THSD7B: variants seen among roughly 807,000 people sequenced by gnomAD.
THSD7B encodes thrombospondin type 1 domain containing 7B.
THSD7B carries 138 observed loss-of-function variants against 213.6 expected under a neutral mutation model. The observed-to-expected ratio is 0.65, with a 90% CI of 0.56 to 0.74. The LOEUF (loss-of-function observed/expected upper bound fraction) is 0.74, where lower values mean the gene tolerates loss of function less well. Among genes scored for constraint, THSD7B ranks in the 30% least tolerant of loss-of-function variants. THSD7B has a pLI of 0.00. For missense variants in THSD7B, 1,931 were observed against 1,991.5 expected (o/e 0.97, Z 0.58); for synonymous variants, 742 against 687.0 (o/e 1.08, Z -1.25).
At chr2:137,329,548 G>A (rs1488803105) in intron 12 of THSD7B, among the ~76,000 whole-genome samples, 2 of 152,098 alleles carry the variant, frequency 1.3e-5, no homozygotes, top group Non-Finnish European at 2.9e-5. Flanking sequence ...TGTATTTTCA[G>A]TAGAGACGGG....
intron 7 of THSD7B, among the ~76,000 whole-genome samples, chr2:137,182,851 A>T (rs1216989235): frequency 6.6e-6 from 1 of 152,160 alleles, no homozygotes; most frequent in Non-Finnish European, 1.5e-5. Context: ...TCTCTTTGGC[A>T]TCTCAGTTTT....
At chr2:137,177,583 G>A (rs1377406838) in intron 7 of THSD7B, among the ~76,000 whole-genome samples, 6 of 152,138 alleles carry the variant, frequency 3.9e-5, no homozygotes, top group Admixed American at 1.3e-4. Context: ...ATTCAGTAGG[G>A]CTAGAATAGG....
Position 136,844,490 on chromosome 2 carries a change from G to GAGAGAGAGAGAC in THSD7B, c.-35-37649_-35-37648insGAGAGACAGAGA, listed in dbSNP as rs895586400. On this transcript the variant is annotated intron_variant, in intron 1 of 27. Transcript: ENST00000409968. ...AGAGAGAGAGAGAGAGAGAGAGAGA[G>GAGAGAGAGAGAC]AGAGACAGAGAGATCGGTTTTCTGG... is the stretch of plus-strand genomic sequence containing the variant. Among the ~76,000 whole-genome samples, 1,414 of 149,534 alleles carry GAGAGAGAGAGAC rather than the reference G, an allele frequency of 9.5e-3. 19 individuals are homozygous for GAGAGAGAGAGAC. The highest frequency in any genetic ancestry group is 0.033 in the African/African-American group (1,332 of 39,874).
At chr2:137,165,629 C>T (rs1245164643) in intron 6 of THSD7B, among the ~76,000 whole-genome samples, 1 of 152,118 alleles carries the variant, frequency 6.6e-6, no homozygotes, top group African/African-American at 2.4e-5. Context: ...ATGCATTAAA[C>T]ATTGCAAAAC....
rs1686873711 is a variant in THSD7B at position 137,419,379 on chromosome 2, T to TTTTTTTTTTTTTTTTTTTTTTTTTTTTTG, written c.2959+7507_2959+7508insTTTTTTTTTTTTTTTTTTTTTTTTTTTTG. Among the ~76,000 whole-genome samples, 2 of 98,990 alleles carry TTTTTTTTTTTTTTTTTTTTTTTTTTTTTG rather than the reference T, an allele frequency of 2.0e-5. 1 individual carries two copies. Among genetic ancestry groups the TTTTTTTTTTTTTTTTTTTTTTTTTTTTTG allele is most frequent in the South Asian group, 7.0e-4 (2 of 2,842 alleles). 64.9% of individuals were successfully genotyped at this position (98,990 alleles called of 152,430 possible). The stretch of plus-strand genomic sequence containing the variant: ...ACTTTTGGTGGGTCCTGAGTTCTTG[T>TTTTTTTTTTTTTTTTTTTTTTTTTTTTTG]CCCACATCAAAGAAGAATGAGGATA... On this transcript the variant is annotated intron_variant, in intron 14 of 27. Coordinates refer to ENST00000409968, the MANE Select transcript of THSD7B (RefSeq NM_001316349.2).
At chr2:137,007,770 A>C (rs751017807) in intron 2 of THSD7B, among the ~76,000 whole-genome samples, 1 of 152,196 alleles carries the variant, frequency 6.6e-6, no homozygotes, top group African/African-American at 2.4e-5. Context: ...TATATTGCCA[A>C]TGAAAAACTC....
intron 3 of THSD7B, among the ~76,000 whole-genome samples, chr2:137,071,555 A>C (rs1252647784): frequency 6.6e-6 from 1 of 152,224 alleles, no homozygotes; most frequent in Admixed American, 6.5e-5. Context: ...GAAGCTCTTT[A>C]GTTTAATTAG....
chr2:137,635,721 C>T lies in THSD7B; in HGVS notation c.3800-6767C>T, dbSNP rs868493419. ...CATATTTAAAATATTCCGCAAGTTT[C>T]TTTTTTTTTTTTTTAAACGGAGTCA... On this transcript the variant is annotated intron_variant, in intron 20 of 27. Transcript: ENST00000409968. Among the ~76,000 whole-genome samples the T allele has an allele frequency of 8.9e-3, 1,257 of 141,602 alleles. 13 individuals are homozygous for T. The highest frequency in any genetic ancestry group is 0.03 in the African/African-American group (1,144 of 38,594). 92.9% of individuals were successfully genotyped at this position (141,602 alleles called of 152,430 possible).
At chr2:137,461,739 C>T (rs983135802) in intron 15 of THSD7B, among the ~76,000 whole-genome samples, 18 of 152,178 alleles carry the variant, frequency 1.2e-4, no homozygotes, top group Non-Finnish European at 5.9e-5. Context: ...TTTATGACCC[C>T]TCCCCAATAA....
At chr2:137,480,825 A>C (rs1688289873) in intron 15 of THSD7B, among the ~76,000 whole-genome samples, 1 of 152,404 alleles carries the variant, frequency 6.6e-6, no homozygotes, top group East Asian at 1.9e-4. Flanking sequence ...CTTTGAAATC[A>C]AATCAGAATT....
chr2:137,130,133 C>CA (rs2104952261), intron 5 of THSD7B, among the ~76,000 whole-genome samples: 2 of 152,154 alleles, frequency 1.3e-5, no homozygotes, highest in African/African-American at 4.8e-5. Context: ...GGGGCTGGGG[C>CA]ATAGCACTGA....
chr2:137,645,040 G>T (rs537360428), intron 21 of THSD7B, among the ~76,000 whole-genome samples: 1 of 152,206 alleles, frequency 6.6e-6, no homozygotes, highest in African/African-American at 2.4e-5. Flanking sequence ...GAGTCTAGCA[G>T]CCCTAATTTT....
At position 136,882,151 on chromosome 2, in the gene THSD7B, C is replaced by T. The variant is rs1302421563; in HGVS notation, c.-28C>T. On this transcript the variant is annotated 5_prime_UTR_variant, in exon 2 of 28. Transcript: ENST00000409968. ...TTTCTTTTTCTCTTTTAGGAATAGG[C>T]AAGTCAAGAGGCTGAAAAATCTGAA... is the stretch of plus-strand genomic sequence containing the variant. 3 of 1,478,424 alleles carry T rather than the reference C, an allele frequency of 2.0e-6. No homozygotes were observed. Among genetic ancestry groups the T allele is most frequent in the East Asian group, 2.6e-5 (1 of 37,882 alleles). The allele number at this position is 1,478,424 out of a possible 1,614,324, so 91.6% of individuals were successfully genotyped here.
chr2:137,610,994 A>T (rs1302784027), intron 17 of THSD7B, among the ~76,000 whole-genome samples: 1 of 145,178 alleles, frequency 6.9e-6, no homozygotes, highest in Non-Finnish European at 1.5e-5. Flanking sequence ...AAAGTATAAT[A>T]ATAATAATAA....
chr2:137,354,126 C>T (rs1025653599), intron 12 of THSD7B, among the ~76,000 whole-genome samples: 3 of 151,834 alleles, frequency 2.0e-5, no homozygotes, highest in African/African-American at 7.3e-5. Context: ...ACTAAAATAC[C>T]TTACGACATT....
intron 5 of THSD7B, among the ~76,000 whole-genome samples, chr2:137,123,831 C>G (rs1027621028): frequency 1.3e-5 from 2 of 152,010 alleles, no homozygotes; most frequent in African/African-American, 4.8e-5. Flanking sequence ...TTCTCATCAC[C>G]CAATATTTCT....
At chr2:137,557,689 G>C (rs1274233587) in intron 15 of THSD7B, among the ~76,000 whole-genome samples, 1 of 152,100 alleles carries the variant, frequency 6.6e-6, no homozygotes, top group Non-Finnish European at 1.5e-5. Flanking sequence ...TCAAAAGCTA[G>C]CAGAAGGCAA....
intron 12 of THSD7B, among the ~76,000 whole-genome samples, chr2:137,286,240 A>C (rs1250297909): frequency 6.6e-6 from 1 of 152,072 alleles, no homozygotes; most frequent in African/African-American, 2.4e-5. Context: ...TGAGTAGTCT[A>C]ATTTTCTGAT....
At chr2:137,425,027 G>T (rs568810051) in intron 14 of THSD7B, among the ~76,000 whole-genome samples, 1 of 150,720 alleles carries the variant, frequency 6.6e-6, no homozygotes, top group African/African-American at 2.4e-5. Flanking sequence ...AGCGGAGATC[G>T]CGCCACTGCA....
Sources: gnomAD v4.1 joint callset for allele counts (sites outside exome capture counted in the v4.1 genomes callset) on GRCh38, gnomAD v4.1.1 for gene constraint, MANE v1.5 for transcripts, NCBI Gene and HGNC (gene_info 2026-07-23, HGNC 2026-07-21) for gene names.